The following SEMA6D variants were observed in gnomAD, a reference collection of about 807,000 sequenced individuals.
SEMA6D encodes semaphorin-6D.
SEMA6D carries 35 observed loss-of-function variants against 106.6 expected under a neutral mutation model. That is an observed-to-expected ratio of 0.33 (90% CI 0.25 to 0.44). SEMA6D has a LOEUF of 0.44. Ranked by LOEUF, SEMA6D falls within the 20% of genes least tolerant of loss-of-function variation. The pLI is 1.00. For synonymous variants in SEMA6D, 499 were observed against 487.7 expected, an observed-to-expected ratio of 1.02 and a Z score of -0.31; for missense variants, 1,185 against 1,345.9, an observed-to-expected ratio of 0.88 and a Z score of 1.87.
intron 3 of SEMA6D, among the ~76,000 whole-genome samples, chr15:47,476,189 A>T (rs966673496): frequency 6.6e-6 from 1 of 152,196 alleles, no homozygotes; most frequent in Non-Finnish European, 1.5e-5. Flanking sequence ...TTTACGGAGA[A>T]TGCTGGGAAT....
At chr15:47,235,236 A>T (rs62013987) in intron 1 of SEMA6D, among the ~76,000 whole-genome samples, 1,776 of 151,968 alleles carry the variant, frequency 0.012, 34 homozygotes, top group Admixed American at 0.012. Context: ...ATTCTGGATA[A>T]CAGTCCTTTG....
At position 47,243,483 on chromosome 15, in the gene SEMA6D, A is replaced by T. The variant is rs190576443; in HGVS notation, c.-239+59065A>T. Among the ~76,000 whole-genome samples, 35 of 152,058 alleles carry T rather than the reference A, an allele frequency of 2.3e-4. 1 individual carries two copies. The East Asian group carries it at 6.6e-3, about 29-fold the overall frequency. The stretch of plus-strand genomic sequence containing the variant: ...GAACCCAGCCCTTTGGGGAGTATTG[A>T]TTTTAACTTGAATAGTTACGTGGTA... On this transcript the variant is annotated intron_variant, in intron 1 of 19. Transcript: ENST00000558014.
intron 3 of SEMA6D, among the ~76,000 whole-genome samples, chr15:47,526,703 G>A (rs531954230): frequency 1.3e-5 from 2 of 152,012 alleles, no homozygotes; most frequent in Non-Finnish European, 2.9e-5. Context: ...TGGTGGTGAT[G>A]GTGGTTGGCA....
chr15:47,303,657 C>T (rs1046478186), intron 1 of SEMA6D, among the ~76,000 whole-genome samples: 2 of 152,176 alleles, frequency 1.3e-5, no homozygotes, highest in African/African-American at 4.8e-5. Flanking sequence ...CAGTGTCTGG[C>T]ATTTAGTGGA....
At chr15:47,393,633 T>C (rs2040112949) in intron 1 of SEMA6D, 1 of 152,206 alleles carries the variant, frequency 6.6e-6, no homozygotes, top group South Asian at 2.1e-4. Flanking sequence ...GTGTTAATCA[T>C]GGGATTTGTG....
At chr15:47,303,083 C>A (rs945244969) in intron 1 of SEMA6D, among the ~76,000 whole-genome samples, 3 of 152,078 alleles carry the variant, frequency 2.0e-5, no homozygotes, top group Admixed American at 2.0e-4. Context: ...TCTTACTTCT[C>A]CAGATACATG....
intron 3 of SEMA6D, among the ~76,000 whole-genome samples, chr15:47,517,361 T>C (rs1283666745): frequency 6.6e-6 from 1 of 152,106 alleles, no homozygotes; most frequent in Non-Finnish European, 1.5e-5. Flanking sequence ...TGAAGGACTC[T>C]GGCATGAGAG....
intron 1 of SEMA6D, among the ~76,000 whole-genome samples, chr15:47,345,391 A>G (rs1053223875): frequency 1.3e-5 from 2 of 152,200 alleles, no homozygotes; most frequent in African/African-American, 4.8e-5. Flanking sequence ...AACGTGCAGA[A>G]GTAGATCTGC....
intron 1 of SEMA6D, among the ~76,000 whole-genome samples, chr15:47,256,783 C>T (rs532794261): frequency 1.6e-3 from 237 of 152,042 alleles, no homozygotes; most frequent in Middle Eastern, 0.014. Context: ...CACTTGAACC[C>T]GGGAGGTGGA....
chr15:47,481,750 ACT>A (rs2043159275), intron 3 of SEMA6D, among the ~76,000 whole-genome samples: 1 of 152,006 alleles, frequency 6.6e-6, no homozygotes, highest in African/African-American at 2.4e-5. Flanking sequence ...CTAAATCCTG[ACT>A]CTACTGCTGG....
chr15:47,192,349 C>T (rs1297533395), intron 1 of SEMA6D, among the ~76,000 whole-genome samples: 1 of 152,186 alleles, frequency 6.6e-6, no homozygotes, highest in Non-Finnish European at 1.5e-5. Flanking sequence ...GGAATTTCAA[C>T]AGTTGTATCT....
At chr15:47,245,861 T>C (rs1393059459) in intron 1 of SEMA6D, among the ~76,000 whole-genome samples, 1 of 152,020 alleles carries the variant, frequency 6.6e-6, no homozygotes. Context: ...AAAAAATTTG[T>C]GTATAGATAG....
At chr15:47,192,140 C>T (rs1894006132) in intron 1 of SEMA6D, among the ~76,000 whole-genome samples, 2 of 152,178 alleles carry the variant, frequency 1.3e-5, no homozygotes, top group Admixed American at 6.5e-5. Context: ...CTATATGATA[C>T]TTTCTCCTCT....
At chr15:47,703,115 G>C (rs182071964) in intron 4 of SEMA6D, among the ~76,000 whole-genome samples, 1 of 152,028 alleles carries the variant, frequency 6.6e-6, no homozygotes, top group Non-Finnish European at 1.5e-5. Flanking sequence ...AAATTTCCAC[G>C]TACGACTTTT....
At chr15:47,472,868 T>A (rs1386374491) in intron 3 of SEMA6D, among the ~76,000 whole-genome samples, 2 of 152,142 alleles carry the variant, frequency 1.3e-5, no homozygotes, top group Admixed American at 1.3e-4. Context: ...TGAAGATGCT[T>A]TTGTTCTGTC....
At chr15:47,612,609 C>T (rs1037937286) in intron 4 of SEMA6D, among the ~76,000 whole-genome samples, 1 of 152,136 alleles carries the variant, frequency 6.6e-6, no homozygotes, top group Non-Finnish European at 1.5e-5. Context: ...GTCCCCAAAC[C>T]CTTCTCATTT....
rs74013743 is a variant in SEMA6D, at chr15:47,207,864, T to C, written c.-239+23446T>C. Reference sequence around the variant, plus strand: ...GAGTACCCTGGGGAGAGGACTAAGATGTCCATTTTACAGATGCCTTCTAGG... The same window carrying C: ...GAGTACCCTGGGGAGAGGACTAAGACGTCCATTTTACAGATGCCTTCTAGG... On this transcript the variant is annotated intron_variant, in intron 1 of 19. Coordinates refer to the SEMA6D transcript ENST00000558014. Among the ~76,000 whole-genome samples, 635 of 152,222 alleles carry C rather than the reference T, an allele frequency of 4.2e-3. 4 individuals are homozygous for C. The highest frequency in any genetic ancestry group is 0.015 in the African/African-American group (611 of 41,544).
At chr15:47,651,955 C>T (rs1224674) in intron 4 of SEMA6D, among the ~76,000 whole-genome samples, 116,711 of 152,114 alleles carry the variant, frequency 0.77, 44,847 homozygotes, top group East Asian at 0.86. Flanking sequence ...CAGAAGTCTA[C>T]GTGTCCTTCA....
intron 1 of SEMA6D, among the ~76,000 whole-genome samples, chr15:47,254,331 G>GTGTA (rs33925888): frequency 2.2e-4 from 31 of 139,264 alleles, no homozygotes; most frequent in East Asian, 4.1e-4. Context: ...GTGTGTGTGT[G>GTGTA]TATATATATA....
Sources: gnomAD v4.1 joint callset for allele counts (sites outside exome capture counted in the v4.1 genomes callset) on GRCh38, gnomAD v4.1.1 for gene constraint, MANE v1.5 for transcripts, NCBI Gene and HGNC (gene_info 2026-07-23, HGNC 2026-07-21) for gene names.